The following ERC1 variants were observed in gnomAD, a reference collection of about 807,000 sequenced individuals.
ERC1 encodes ELKS/RAB6-interacting/CAST family member 1.
ERC1 carries 56 observed loss-of-function variants against 132.0 expected under a neutral mutation model. The ratio of observed to expected loss-of-function variants is 0.42; its 90% CI spans 0.34 to 0.53. ERC1 has a LOEUF of 0.53. Among genes scored for constraint, ERC1 ranks in the 20% least tolerant of loss-of-function variants. The probability of loss-of-function intolerance (pLI) is 0.03; values close to 1 mark genes in which losing one functional copy is unlikely to be tolerated. For synonymous variants in ERC1, 478 were observed against 476.1 expected, an observed-to-expected ratio of 1.00 and a Z score of -0.05; for missense variants, 1,202 against 1,349.9, an observed-to-expected ratio of 0.89 and a Z score of 1.72.
chr12:1,039,302 A>G (rs575566129), intron 2 of ERC1, among the ~76,000 whole-genome samples: 185 of 150,522 alleles, frequency 1.2e-3, no homozygotes, highest in Non-Finnish European at 2.2e-3. Context: ...GCACCACTGC[A>G]CTCCAGCCCT....
rs56939346 is a variant in ERC1, at chr12:1,493,548, A to AAAAATATATATATATATATAT, written c.*3319_*3320insAAATATATATATATATATATA. The AAAAATATATATATATATATAT allele has an allele frequency of 1.5e-4, 2 of 13,622 alleles. No homozygotes were observed. Among genetic ancestry groups the AAAAATATATATATATATATAT allele is most frequent in the African/African-American group, 2.2e-4 (1 of 4,564 alleles). 0.8% of individuals were successfully genotyped at this position (13,622 alleles called of 1,614,324 possible). A position where few individuals can be genotyped will look rare whatever the true frequency, so the allele number is the denominator to read the frequency against. On this transcript the variant is annotated 3_prime_UTR_variant, in exon 19 of 19. Transcript: ENST00000360905. ...ACTCCATTTAAAAAAAAAAAAAAAA[A>AAAAATATATATATATATATAT]ATATATATATATATATATATATATA...
chr12:1,422,352 C>T (rs2092459991), intron 17 of ERC1, among the ~76,000 whole-genome samples: 1 of 152,102 alleles, frequency 6.6e-6, no homozygotes, highest in African/African-American at 2.4e-5. Context: ...TTTCCCCTTC[C>T]CCCTACCCTT....
chr12:1,480,341 G>T (rs1314542342), intron 18 of ERC1, among the ~76,000 whole-genome samples: 1 of 152,138 alleles, frequency 6.6e-6, no homozygotes, highest in Non-Finnish European at 1.5e-5. Flanking sequence ...TTCAGCACAC[G>T]CACAGAAGAT....
At chr12:1,063,837 C>G (rs1938545020) in intron 2 of ERC1, among the ~76,000 whole-genome samples, 1 of 152,014 alleles carries the variant, frequency 6.6e-6, no homozygotes, top group African/African-American at 2.4e-5. Flanking sequence ...TAACATTTGA[C>G]TAGTTTCTCT....
intron 17 of ERC1, among the ~76,000 whole-genome samples, chr12:1,438,972 A>ATATATATATATATATATATAT (rs1246217572): frequency 4.2e-5 from 6 of 143,910 alleles, no homozygotes; most frequent in African/African-American, 1.7e-4. Flanking sequence ...TATATATATA[A>ATATATATATATATATATATAT]AAAATGACAT....
chr12:1,141,491 A>G (rs1949859341), intron 7 of ERC1, 129 bp from the exon 8 acceptor site: 1 of 600,386 alleles, frequency 1.7e-6, no homozygotes, highest in Admixed American at 3.5e-5. Context: ...AGAAACATAG[A>G]TGTAGATAAT....
chr12:1,230,598 T>C (rs1389549028), intron 12 of ERC1, among the ~76,000 whole-genome samples: 1 of 152,200 alleles, frequency 6.6e-6, no homozygotes, highest in Non-Finnish European at 1.5e-5. Context: ...TGCTCTATAC[T>C]CTTATTCAGG....
chr12:1,456,891 TGAA>T (rs2093549129), intron 18 of ERC1, among the ~76,000 whole-genome samples: 2 of 151,998 alleles, frequency 1.3e-5, no homozygotes, highest in African/African-American at 4.8e-5. Context: ...CTAGAGAAAA[TGAA>T]GAGAGAAAAA....
chr12:1,349,010 A>C (rs1595155697), intron 15 of ERC1, among the ~76,000 whole-genome samples: 1 of 152,180 alleles, frequency 6.6e-6, no homozygotes, highest in East Asian at 1.9e-4. Flanking sequence ...GCTGAGCTAG[A>C]CTTCATATTT....
intron 16 of ERC1, among the ~76,000 whole-genome samples, chr12:1,402,277 C>T (rs546025422): frequency 1.8e-3 from 278 of 152,202 alleles, no homozygotes; most frequent in African/African-American, 6.4e-3. Flanking sequence ...ACGCCGTAAT[C>T]CCAGCACTTT....
chr12:1,131,216 T>TAGTTTCTAATTCTAAAA (rs1281492512), intron 7 of ERC1, among the ~76,000 whole-genome samples: 1 of 152,024 alleles, frequency 6.6e-6, no homozygotes, highest in Non-Finnish European at 1.5e-5. Flanking sequence ...GCCTTAGAAT[T>TAGTTTCTAATTCTAAAA]GGATTAGTTT....
chr12:1,119,012 G>A (rs1003304565), intron 7 of ERC1, among the ~76,000 whole-genome samples: 6 of 152,102 alleles, frequency 3.9e-5, no homozygotes, highest in Admixed American at 6.6e-5. Context: ...GAGTAGCCAA[G>A]ACTTATAGGC....
intron 11 of ERC1, among the ~76,000 whole-genome samples, chr12:1,186,391 G>C (rs1955098302): frequency 6.6e-6 from 1 of 152,214 alleles, no homozygotes; most frequent in Admixed American, 6.5e-5. Context: ...TTTGCCTCCA[G>C]TGTATGAGTA....
chr12:1,276,323 G>C (rs148819448), intron 14 of ERC1, among the ~76,000 whole-genome samples: 1 of 150,282 alleles, frequency 6.7e-6, no homozygotes, highest in Non-Finnish European at 1.5e-5. Flanking sequence ...TGCAACCTCC[G>C]CCTCCCAGGT....
At chr12:1,050,342 A>G (rs1230622693) in intron 2 of ERC1, among the ~76,000 whole-genome samples, 1 of 152,180 alleles carries the variant, frequency 6.6e-6, no homozygotes, top group African/African-American at 2.4e-5. Context: ...ATAGAATGAG[A>G]GGTTCCCTTT....
chr12:1,302,857 G>A (rs1169093248), intron 15 of ERC1, among the ~76,000 whole-genome samples: 1 of 152,084 alleles, frequency 6.6e-6, no homozygotes, highest in Non-Finnish European at 1.5e-5. Context: ...CAGCTACTCG[G>A]GAGGCTGAGG....
intron 17 of ERC1, among the ~76,000 whole-genome samples, chr12:1,428,131 G>A (rs755431624): frequency 3.3e-5 from 5 of 152,144 alleles, no homozygotes; most frequent in Non-Finnish European, 7.3e-5. Flanking sequence ...TACTAATGAG[G>A]AAGAGCTATC....
At chr12:1,196,985 T>A (rs1307822814) in intron 12 of ERC1, among the ~76,000 whole-genome samples, 3,107 of 72,134 alleles carry the variant, frequency 0.043, 406 homozygotes, top group African/African-American at 0.19. Flanking sequence ...TATTTTTTTT[T>A]TTTTTTTTTT....
intron 15 of ERC1, among the ~76,000 whole-genome samples, chr12:1,331,716 C>T (rs748923147): frequency 7.2e-5 from 11 of 152,160 alleles, no homozygotes; most frequent in Non-Finnish European, 1.6e-4. Context: ...TTGTTAGTCC[C>T]CCTCATCCAG....
Sources: gnomAD v4.1 joint callset for allele counts (sites outside exome capture counted in the v4.1 genomes callset) on GRCh38, gnomAD v4.1.1 for gene constraint, MANE v1.5 for transcripts, NCBI Gene and HGNC (gene_info 2026-07-23, HGNC 2026-07-21) for gene names.